The following DLG2 variants were observed in gnomAD, a reference collection of about 807,000 sequenced individuals.
The protein encoded by DLG2 is discs large MAGUK scaffold protein 2.
DLG2 carries 45 observed loss-of-function variants against 132.5 expected under a neutral mutation model. That is an observed-to-expected ratio of 0.34 (90% CI 0.27 to 0.44). The LOEUF is 0.44. DLG2 is among the 20% of genes least tolerant of loss of function. The pLI, the probability that DLG2 is intolerant of heterozygous loss-of-function variation, is 1.00. For synonymous variants in DLG2, 424 were observed against 419.6 expected (o/e 1.01, Z -0.13); for missense variants, 1,045 against 1,196.9 (o/e 0.87, Z 1.87).
chr11:85,620,446 T>G (rs556954339), intron 2 of DLG2, among the ~76,000 whole-genome samples: 103 of 152,316 alleles, frequency 6.8e-4, no homozygotes, highest in African/African-American at 2.5e-3. Context: ...TAGAAAATGA[T>G]TAAGCTTAGT....
At chr11:85,487,938 G>A (rs139122779) in intron 3 of DLG2, among the ~76,000 whole-genome samples, 102 of 152,322 alleles carry the variant, frequency 6.7e-4, no homozygotes, top group African/African-American at 2.4e-3. Context: ...TAATTCCCAT[G>A]TGCTGTGGGA....
intron 11 of DLG2, among the ~76,000 whole-genome samples, chr11:84,058,678 C>A (rs2096544204): frequency 6.6e-6 from 1 of 151,338 alleles, no homozygotes; most frequent in South Asian, 2.1e-4. Context: ...CAGAGTGAGA[C>A]CCTGCCTTAA....
chr11:84,903,533 T>C (rs1389601486), intron 6 of DLG2, among the ~76,000 whole-genome samples: 1 of 152,180 alleles, frequency 6.6e-6, no homozygotes, highest in Non-Finnish European at 1.5e-5. Context: ...CTCATCTTCA[T>C]ATCCCTGATA....
intron 11 of DLG2, among the ~76,000 whole-genome samples, chr11:84,035,076 C>A (rs189354909): frequency 1.3e-5 from 2 of 152,106 alleles, no homozygotes; most frequent in African/African-American, 4.8e-5. Flanking sequence ...GAACTCACTA[C>A]GTTACAAAGC....
intron 6 of DLG2, among the ~76,000 whole-genome samples, chr11:84,696,797 C>T (rs571571338): frequency 6.6e-6 from 1 of 151,412 alleles, no homozygotes; most frequent in East Asian, 2.0e-4. Flanking sequence ...GTTAAGGAGC[C>T]TAAATTTGAG....
chr11:85,086,541 T>C (rs534166883), intron 6 of DLG2, among the ~76,000 whole-genome samples: 121 of 152,276 alleles, frequency 7.9e-4, no homozygotes, highest in Middle Eastern at 3.4e-3. Context: ...CACAATAATG[T>C]TACCAAATAT....
chr11:84,776,082 A>G (rs2070425219), intron 6 of DLG2, among the ~76,000 whole-genome samples: 1 of 152,100 alleles, frequency 6.6e-6, no homozygotes, highest in South Asian at 2.1e-4. Context: ...TGATTATTTA[A>G]CCTATTAAGT....
intron 4 of DLG2, among the ~76,000 whole-genome samples, chr11:85,194,095 G>C (rs1479050100): frequency 6.6e-6 from 1 of 152,232 alleles, no homozygotes; most frequent in Non-Finnish European, 1.5e-5. Flanking sequence ...ATGGGGATGA[G>C]AGGAGTGTTT....
intron 3 of DLG2, among the ~76,000 whole-genome samples, chr11:85,347,889 G>A (rs1044507339): frequency 1.5e-5 from 2 of 131,376 alleles, no homozygotes; most frequent in African/African-American, 3.0e-5. Context: ...TTGCAGCCTC[G>A]ACCTCCTGGG....
intron 6 of DLG2, among the ~76,000 whole-genome samples, chr11:84,818,774 A>G (rs2077345403): frequency 6.6e-6 from 1 of 151,928 alleles, no homozygotes; most frequent in South Asian, 2.1e-4. Flanking sequence ...CTTGAGAATT[A>G]CAGAGGTATA....
chr11:83,693,498 GCTCCACCCTTCT>G (rs59276927), intron 18 of DLG2, among the ~76,000 whole-genome samples: 35,600 of 151,734 alleles, frequency 0.23, 4,647 homozygotes, highest in African/African-American at 0.35. Context: ...TGTGCCTGCT[GCTCCACCCTTCT>G]CTCCTACCCT....
At chr11:84,973,314 T>A (rs1183448625) in intron 6 of DLG2, among the ~76,000 whole-genome samples, 1 of 152,176 alleles carries the variant, frequency 6.6e-6, no homozygotes, top group Non-Finnish European at 1.5e-5. Flanking sequence ...TTTTTAATAA[T>A]ATTGTCAGGA....
intron 9 of DLG2, among the ~76,000 whole-genome samples, chr11:84,152,184 C>T (rs932252272): frequency 6.6e-6 from 1 of 151,666 alleles, no homozygotes; most frequent in African/African-American, 2.4e-5. Flanking sequence ...TAAGTATTTT[C>T]ATAGATCTAG....
intron 6 of DLG2, among the ~76,000 whole-genome samples, chr11:84,592,343 G>A (rs2099545379): frequency 6.6e-6 from 1 of 152,176 alleles, no homozygotes; most frequent in Admixed American, 6.5e-5. Flanking sequence ...AGAAACAAGT[G>A]TTAGACCAGT....
chr11:83,596,593 G>A lies in DLG2; in HGVS notation c.1940+36618C>T, dbSNP rs1209070082. On this transcript the variant is annotated intron_variant, in intron 19 of 27. Transcript: ENST00000376104. ...GGGATAATTTCTAAATCACCAATAT[G>A]TCTACATCACTCCTCTGCTCAAAAT... 2.0e-5 allele frequency among the ~76,000 whole-genome samples: 3 copies of A among 152,236 alleles called. No homozygotes were observed. The East Asian group carries it at 5.8e-4, about 29-fold the overall frequency.
chr11:84,782,239 G>GGA lies in DLG2; in HGVS notation c.358-247510_358-247509dup, dbSNP rs575762464. Among the ~76,000 whole-genome samples, 6 of 152,060 alleles carry GGA rather than the reference G, an allele frequency of 3.9e-5. No individual in the cohort carries two copies. The East Asian group carries it at 1.2e-3, about 29-fold the overall frequency. ...AGATGGGAAAGACAAACTTTTGAGA[G>GGA]GAGAGAAATATAACTTGATTAAATA... On this transcript the variant is annotated intron_variant, in intron 6 of 27. Coordinates refer to ENST00000376104, the MANE Select transcript of DLG2 (RefSeq NM_001142699.3).
chr11:85,249,607 G>A (rs1202967575), intron 4 of DLG2, among the ~76,000 whole-genome samples: 1 of 152,036 alleles, frequency 6.6e-6, no homozygotes, highest in Admixed American at 6.6e-5. Flanking sequence ...AAGAGGCAGG[G>A]ATCAGAGGCC....
At chr11:84,502,202 CCTTCCTTCCT>C (rs1237803757) in intron 7 of DLG2, among the ~76,000 whole-genome samples, 280 of 24,940 alleles carry the variant, frequency 0.011, 69 homozygotes, top group South Asian at 0.037. Context: ...CTCTCTCTCT[CCTTCCTTCCT>C]TCCTTCCTTC....
chr11:85,429,053 A>C (rs2090983508), intron 3 of DLG2, among the ~76,000 whole-genome samples: 1 of 152,222 alleles, frequency 6.6e-6, no homozygotes, highest in South Asian at 2.1e-4. Context: ...TCCTCAACAC[A>C]TACACCCTCC....
Sources: gnomAD v4.1 joint callset for allele counts (sites outside exome capture counted in the v4.1 genomes callset) on GRCh38, gnomAD v4.1.1 for gene constraint, MANE v1.5 for transcripts, NCBI Gene and HGNC (gene_info 2026-07-23, HGNC 2026-07-21) for gene names.